ALG13: variants seen among roughly 807,000 people sequenced by gnomAD.
ALG13 encodes UDP-N-acetylglucosamine transferase subunit ALG13.
ALG13 carries 11 observed loss-of-function variants against 87.8 expected under a neutral mutation model. The ratio of observed to expected loss-of-function variants is 0.13; its 90% CI spans 0.08 to 0.21. The LOEUF (loss-of-function observed/expected upper bound fraction) is 0.21, where lower values mean the gene tolerates loss of function less well. Among genes scored for constraint, ALG13 ranks in the 10% least tolerant of loss-of-function variants. ALG13 has a pLI of 1.00. For missense variants in ALG13, 756 were observed against 866.1 expected, an observed-to-expected ratio of 0.87 and a Z score of 1.60; for synonymous variants, 320 against 306.3, an observed-to-expected ratio of 1.04 and a Z score of -0.47.
Position 111,705,420 on chromosome X carries a change from C to T in ALG13, c.384-2607C>T, listed in dbSNP as rs374282610. Among the ~76,000 whole-genome samples the T allele has an allele frequency of 3.6e-5, 4 of 111,573 alleles. No homozygotes were observed. In the East Asian group the frequency reaches 8.4e-4, roughly 24 times the overall value. On this transcript the variant is annotated intron_variant, in intron 3 of 26. Transcript: ENST00000394780. ...TGATGTAAAAATATTTTATTCCAGT[C>T]TATGGCTTGTATTTTCATTCTCCTA... is the stretch of plus-strand genomic sequence containing the variant.
intron 25 of ALG13, 38 bp from the exon 26 acceptor site, chrX:111,757,550 G>T: frequency 1.9e-6 from 2 of 1,030,655 alleles, no homozygotes; most frequent in Non-Finnish European, 2.6e-6. Context: ...AGAGAAGAGT[G>T]AAGTTTCTTA....
chrX:111,726,029 C>T (rs1275606390), intron 15 of ALG13, among the ~76,000 whole-genome samples: 1 of 111,697 alleles, frequency 9.0e-6, no homozygotes, highest in Admixed American at 9.5e-5. Context: ...CTGTAAGCTC[C>T]ACCTCCCGGG....
At chrX:111,739,332 C>T (rs1240456214) in intron 23 of ALG13, among the ~76,000 whole-genome samples, 1 of 112,209 alleles carries the variant, frequency 8.9e-6, no homozygotes, top group Non-Finnish European at 1.9e-5. Context: ...AGGTCTGTCC[C>T]TTGACACCTG....
intron 5 of ALG13, among the ~76,000 whole-genome samples, chrX:111,710,019 C>T (rs1230998019): frequency 8.4e-5 from 9 of 107,518 alleles, no homozygotes; most frequent in South Asian, 3.9e-4. Flanking sequence ...AGTTGGGGCC[C>T]GAGATTTCTT....
intron 22 of ALG13, 115 bp downstream of exon 22, chrX:111,735,237 A>T: frequency 2.1e-6 from 1 of 478,435 alleles, no homozygotes; most frequent in South Asian, 3.7e-5. Flanking sequence ...TCCTTTAGGT[A>T]TTATTGTACC....
intron 21 of ALG13, among the ~76,000 whole-genome samples, chrX:111,730,831 A>G (rs947810775): frequency 8.9e-6 from 1 of 112,295 alleles, no homozygotes; most frequent in African/African-American, 3.2e-5. Context: ...TGGATGATAC[A>G]TCTCACTCAA....
Position 111,726,980 on chromosome X carries a change from G to T in ALG13, c.1901G>T (p.Gly634Val). 1 of 1,211,228 alleles carries T rather than the reference G, an allele frequency of 8.3e-7. No homozygotes were observed. The highest frequency in any genetic ancestry group is 1.1e-6 in the Non-Finnish European group (1 of 895,080). ...DPPMHYSQTA[G>V]NVMSNEHFHP... ...CCAATGCACTACTCACAGACAGCTG[G>T]CAATGTTATGTCTAATGAACATTTT... Residue 634 changes from glycine to valine, a missense_variant, in exon 16 of 27, where the codon GGC becomes GTC. Physicochemically the swap from Gly to Val is moderately radical, Grantham distance 109. This residue lies in a region of ALG13 where 362 missense variants were observed against 383.5 expected (regional missense o/e 0.94). Transcript: ENST00000394780.
At chrX:111,707,358 A>G (rs751741181) in intron 3 of ALG13, among the ~76,000 whole-genome samples, 8 of 112,004 alleles carry the variant, frequency 7.1e-5, no homozygotes, top group Admixed American at 2.9e-4. Context: ...TTGGTGCCAT[A>G]TAGTAGTTTG....
chrX:111,704,039 A>G (rs746622303), intron 3 of ALG13, among the ~76,000 whole-genome samples: 1 of 112,198 alleles, frequency 8.9e-6, no homozygotes, highest in South Asian at 3.7e-4. Flanking sequence ...AGTTAAAAAA[A>G]TTATTTTAGT....
intron 5 of ALG13, among the ~76,000 whole-genome samples, chrX:111,709,685 CTTTTT>C (rs900487376): frequency 8.2e-5 from 8 of 97,026 alleles, no homozygotes; most frequent in African/African-American, 3.0e-4. Context: ...GCTTCCTTTT[CTTTTT>C]TTTTTTTTTA....
rs773041443 is a variant in ALG13 at position 111,685,187 on chromosome X, C to T, written c.383+84C>T. 127 of 963,063 alleles carry T rather than the reference C, an allele frequency of 1.3e-4. 2 individuals carry two copies. The Middle Eastern group carries it at 8.5e-3, about 64-fold the overall frequency. The allele number at this position is 963,063 out of a possible 1,213,427, so 79.4% of individuals were successfully genotyped here. A position where few individuals can be genotyped will look rare whatever the true frequency, so the allele number is the denominator to read the frequency against. On this transcript the variant is annotated intron_variant, in intron 3 of 26. Coordinates refer to ENST00000394780, the MANE Select transcript of ALG13 (RefSeq NM_001099922.3). ...TTATCCACCTACCTAACCCATCTGT[C>T]TCTTCTGCCTCTTACCTTCTCCCAG... is the stretch of plus-strand genomic sequence containing the variant.
chrX:111,731,041 C>T (rs1036189892), intron 21 of ALG13, among the ~76,000 whole-genome samples: 13 of 112,180 alleles, frequency 1.2e-4, no homozygotes, highest in Non-Finnish European at 2.3e-4. Context: ...CTGGCCAGAG[C>T]AGGTCCCACT....
At chrX:111,734,560 C>T (rs1943050585) in intron 21 of ALG13, 1 of 118,584 alleles carries the variant, frequency 8.4e-6, no homozygotes, top group Non-Finnish European at 1.7e-5. Context: ...TGAGTCCAAG[C>T]CATTCAAAAT....
intron 13 of ALG13, among the ~76,000 whole-genome samples, 152 bp from the exon 14 acceptor site, chrX:111,723,646 G>A (rs1322367247): frequency 1.8e-5 from 2 of 112,110 alleles, no homozygotes; most frequent in East Asian, 5.6e-4. Context: ...GGTTCTTTCA[G>A]TATGTGCTGT....
intron 25 of ALG13, among the ~76,000 whole-genome samples, chrX:111,756,884 G>A (rs1045315188): frequency 8.9e-6 from 1 of 111,749 alleles, no homozygotes; most frequent in African/African-American, 3.3e-5. Context: ...TAAACCGCTT[G>A]CCCCTTCTGT....
chrX:111,733,128 C>A (rs1569520535), intron 21 of ALG13, among the ~76,000 whole-genome samples: 1 of 111,246 alleles, frequency 9.0e-6, no homozygotes, highest in Non-Finnish European at 1.9e-5. Flanking sequence ...AAAAAAAACT[C>A]TTTGTCTTTA....
intron 21 of ALG13, among the ~76,000 whole-genome samples, chrX:111,732,546 C>T (rs1486154912): frequency 8.9e-6 from 1 of 111,909 alleles, no homozygotes; most frequent in Non-Finnish European, 1.9e-5. Flanking sequence ...ACTGACATTT[C>T]TGGTCATATT....
In ALG13 at chrX:111,720,115, G is replaced by C; in HGVS notation, c.1271G>C (p.Cys424Ser). 1 of 1,193,497 alleles carries C rather than the reference G, an allele frequency of 8.4e-7. No individual in the cohort carries two copies. The highest frequency in any genetic ancestry group is 1.9e-5 in the South Asian group (1 of 53,316). The change falls in exon 11 of 27, where the codon TGC becomes TCC. Residue 424 changes from cysteine to serine, a missense_variant. This residue lies in a region of ALG13 where 48 missense variants were observed against 50.5 expected (regional missense o/e 0.95). Coordinates refer to ENST00000394780, the MANE Select transcript of ALG13 (RefSeq NM_001099922.3). ...ATTAGGATGGAAGAGTGGGGTGCCT[G>C]CTACAATGCTGAAAATATACCAGAG... ...NQNRMEEWGACYNAENIPEGY... is the reference protein window; with the variant it reads ...NQNRMEEWGASYNAENIPEGY...
At chrX:111,705,496 AT>A (rs976633192) in intron 3 of ALG13, among the ~76,000 whole-genome samples, 2 of 110,431 alleles carry the variant, frequency 1.8e-5, no homozygotes, top group Non-Finnish European at 3.8e-5. Flanking sequence ...AATCGAGTTA[AT>A]TTTTTTTTCT....
Sources: gnomAD v4.1 joint callset for allele counts (sites outside exome capture counted in the v4.1 genomes callset) on GRCh38, gnomAD v4.1.1 for gene constraint, gnomAD v4.1.1 regional missense constraint, MANE v1.5 for transcripts, NCBI Gene and HGNC (gene_info 2026-07-23, HGNC 2026-07-21) for gene names.